GIPR: variants seen among roughly 807,000 people sequenced by gnomAD.
GIPR encodes the protein GIP-R.
GIPR carries 74 observed loss-of-function variants against 62.2 expected under a neutral mutation model. The observed-to-expected ratio is 1.19, with a 90% CI of 0.99 to 1.44. The LOEUF (loss-of-function observed/expected upper bound fraction) is 1.44, where lower values mean the gene tolerates loss of function less well. Among genes scored for constraint, GIPR ranks in the 40% most tolerant of loss-of-function variants. The pLI is 0.00. For synonymous variants in GIPR, 256 were observed against 262.2 expected, an observed-to-expected ratio of 0.98 and a Z score of 0.23; for missense variants, 664 against 611.8, an observed-to-expected ratio of 1.09 and a Z score of -0.90.
In GIPR at chr19:45,669,599, A is replaced by C. The variant is rs377661353; in HGVS notation, c.72+7A>C. On this transcript the variant is annotated splice_region_variant and intron_variant, in intron 2 of 13. Transcript: ENST00000590918. ...GCTGCTCCAGAGGGCGGAGGTGAGG[A>C]AGCGAGGAGCCAGAGGAGCTCCAGG... The C allele has an allele frequency of 6.3e-7, 1 of 1,575,262 alleles. No homozygotes were observed. Among genetic ancestry groups the C allele is most frequent in the Non-Finnish European group, 8.6e-7 (1 of 1,164,262 alleles).
rs1182524759 is a variant in GIPR, at chr19:45,682,243, G to A, written c.*308G>A. 1.0e-5 allele frequency: 4 copies of A among 389,164 alleles called. No individual in the cohort carries two copies. Among genetic ancestry groups the A allele is most frequent in the Non-Finnish European group, 1.9e-5 (4 of 215,838 alleles). The allele number at this position is 389,164 out of a possible 1,614,324, so 24.1% of individuals were successfully genotyped here. A position where few individuals can be genotyped will look rare whatever the true frequency, so the allele number is the denominator to read the frequency against. On this transcript the variant is annotated 3_prime_UTR_variant, in exon 14 of 14. Coordinates refer to ENST00000590918, the MANE Select transcript of GIPR (RefSeq NM_000164.4). ...AAAGAGATCACTTTGGGGAGAGCTG[G>A]AGAACAGGATTCTAGGCGGAAGCGA...
chr19:45,668,729 C>A (rs1026446610), intron 1 of GIPR, among the ~76,000 whole-genome samples: 10 of 152,218 alleles, frequency 6.6e-5, no homozygotes, highest in Admixed American at 6.5e-4. Context: ...CTACGTGGAG[C>A]CGCGGGGGCG....
rs1238666731 is a variant in GIPR, at chr19:45,677,945, C to T, written c.964C>T (p.Leu322=). The change falls in exon 11 of 14, where the codon CTG becomes TTG. Residue 322 remains leucine (L), a synonymous_variant. Coordinates refer to ENST00000590918, the MANE Select transcript of GIPR (RefSeq NM_000164.4). ...LIFIRILGIL[L]SKLRTRQMRC... is the part of the protein sequence containing the mutation. Reference sequence around the variant, plus strand: ...TTTTATCCGCATTCTTGGCATTCTCCTGTCCAAGCTGAGGACACGGCAAAT... The same window carrying T: ...TTTTATCCGCATTCTTGGCATTCTCTTGTCCAAGCTGAGGACACGGCAAAT... 1 of 1,614,070 alleles carries T rather than the reference C, an allele frequency of 6.2e-7. No individual in the cohort carries two copies. The highest frequency in any genetic ancestry group is 1.3e-5 in the African/African-American group (1 of 75,062).
chr19:45,677,169 C>A, intron 8 of GIPR, 61 bp downstream of exon 8: 3 of 1,562,272 alleles, frequency 1.9e-6, no homozygotes, highest in African/African-American at 1.3e-5. Context: ...CCCCCAACTG[C>A]CCTGCTGGTT....
intron 7 of GIPR, among the ~76,000 whole-genome samples, chr19:45,676,130 G>C (rs1975840564): frequency 6.6e-6 from 1 of 151,552 alleles, no homozygotes; most frequent in Admixed American, 6.6e-5. Flanking sequence ...TTGAACCTGG[G>C]AGGCAGAGAT....
Position 45,673,863 on chromosome 19 carries a change from CA to C in GIPR, c.385-198del, listed in dbSNP as rs35790297. Among the ~76,000 whole-genome samples, 1,041 of 144,360 alleles carry C rather than the reference CA, an allele frequency of 7.2e-3. 10 individuals carry two copies. The highest frequency in any genetic ancestry group is 0.022 in the African/African-American group (872 of 39,460). 94.7% of individuals were successfully genotyped at this position (144,360 alleles called of 152,430 possible). ...TGGGCAACAAAGCAAGACCATGTCTCAAAAAAAAAAAAATCTCTGGTTGGCT... is the reference window on the plus strand; with the variant it reads ...TGGGCAACAAAGCAAGACCATGTCTCAAAAAAAAAAAATCTCTGGTTGGCT... On this transcript the variant is annotated intron_variant, in intron 5 of 13. Transcript: ENST00000590918.
intron 4 of GIPR, among the ~76,000 whole-genome samples, chr19:45,672,426 C>G (rs1975591779): frequency 6.6e-6 from 1 of 152,034 alleles, no homozygotes. Flanking sequence ...CCTGCCTCAG[C>G]CTCCTGAGTA....
chr19:45,672,839 C>T lies in GIPR; in HGVS notation c.281-12C>T. 1 of 1,558,754 alleles carries T rather than the reference C, an allele frequency of 6.4e-7. No individual in the cohort carries two copies. Among genetic ancestry groups the T allele is most frequent in the Non-Finnish European group, 8.9e-7 (1 of 1,129,468 alleles). On this transcript the variant is annotated splice_polypyrimidine_tract_variant and intron_variant, in intron 4 of 13. Transcript: ENST00000590918. ...TCTGTGTGCCTTAATTCCCTCTCTT[C>T]TTTCCCCACAGTGGCTGCAGGTTTC...
At chr19:45,674,548 A>C in intron 6 of GIPR, 134 bp from the exon 7 acceptor site, 1 of 789,632 alleles carries the variant, frequency 1.3e-6, no homozygotes. Context: ...TTGAGGCTGC[A>C]GTGAGCCCTG....
chr19:45,677,248 T>C, intron 8 of GIPR, 75 bp from the exon 9 acceptor site: 1 of 1,384,288 alleles, frequency 7.2e-7, no homozygotes, highest in South Asian at 1.2e-5. Context: ...ATTCCGCGGG[T>C]CTTGGGCCTG....
At chr19:45,677,577 G>A (rs956746183) in intron 9 of GIPR, 133 bp from the exon 10 acceptor site, 9 of 877,390 alleles carry the variant, frequency 1.0e-5, no homozygotes, top group Non-Finnish European at 1.2e-5. Context: ...GTGGGGCCTG[G>A]ATCGTAATGG....
rs771165150 is a variant in GIPR, at chr19:45,674,819, G to T, written c.626G>T (p.Trp209Leu). 4.3e-6 allele frequency: 7 copies of T among 1,613,772 alleles called. No homozygotes were observed. In the Admixed American group the frequency reaches 5.0e-5, roughly 12 times the overall value. The change falls in exon 7 of 14, where the codon TGG (tryptophan) becomes TTG (leucine). Residue 209 changes from tryptophan to leucine, a missense_variant. By Grantham distance (61) the Trp-to-Leu change is moderately conservative. Coordinates refer to ENST00000590918, the MANE Select transcript of GIPR (RefSeq NM_000164.4). ...CTTGGGGACCAGGCCCTTGCGCTGT[G>T]GAACCAGGTGGGCATCCTCCTTCCG... is the stretch of plus-strand genomic sequence containing the variant. ...PYLGDQALAL[W>L]NQALAACRTA...
chr19:45,677,573 C>A lies in GIPR; in HGVS notation c.855-137C>A, dbSNP rs1428243838. ...CAATCGGCAAGGGGAGGGGGTGGGG[C>A]CTGGATCGTAATGGGCGGGACCTTA... is the stretch of plus-strand genomic sequence containing the variant. On this transcript the variant is annotated intron_variant, in intron 9 of 13. Coordinates refer to ENST00000590918, the MANE Select transcript of GIPR (RefSeq NM_000164.4). 2.2e-5 allele frequency: 19 copies of A among 866,340 alleles called. No homozygotes were observed. The East Asian group carries it at 4.6e-4, about 21-fold the overall frequency. 53.7% of individuals were successfully genotyped at this position (866,340 alleles called of 1,614,324 possible). A position where few individuals can be genotyped will look rare whatever the true frequency, so the allele number is the denominator to read the frequency against.
chr19:45,670,558 G>C lies in GIPR; in HGVS notation c.73-77G>C, dbSNP rs1975479090. On this transcript the variant is annotated intron_variant, in intron 2 of 13. Transcript: ENST00000590918. ...CAGACCCTCAAAGTCTCTCTGGGGC[G>C]CTTCTGGGCCACATGGACCTAGCAG... 3 of 944,166 alleles carry C rather than the reference G, an allele frequency of 3.2e-6. No individual in the cohort carries two copies. The Admixed American group carries it at 6.1e-5, about 19-fold the overall frequency. The allele number at this position is 944,166 out of a possible 1,614,324, so 58.5% of individuals were successfully genotyped here.
intron 12 of GIPR, among the ~76,000 whole-genome samples, chr19:45,681,042 C>T (rs983694389): frequency 6.6e-6 from 1 of 152,086 alleles, no homozygotes; most frequent in Non-Finnish European, 1.5e-5. Flanking sequence ...CAGTTCTTAA[C>T]CCCCAGCCAG....
chr19:45,678,785 C>T (rs1454094081), intron 12 of GIPR, among the ~76,000 whole-genome samples: 1 of 152,234 alleles, frequency 6.6e-6, no homozygotes. Context: ...GTGAGGGCTT[C>T]GAAGCTGGAC....
intron 1 of GIPR, 133 bp from the exon 2 acceptor site, chr19:45,669,344 G>A (rs1474159840): frequency 2.4e-6 from 2 of 823,818 alleles, no homozygotes; most frequent in African/African-American, 1.7e-5. Flanking sequence ...GCGGGAGCGG[G>A]TGCGCTGCCT....
Position 45,669,608 on chromosome 19 carries a change from G to C in GIPR, c.72+16G>C, listed in dbSNP as rs770450183. On this transcript the variant is annotated intron_variant, in intron 2 of 13. Transcript: ENST00000590918. The stretch of plus-strand genomic sequence containing the variant: ...GAGGGCGGAGGTGAGGAAGCGAGGA[G>C]CCAGAGGAGCTCCAGGCTTGGAGGG... 2.3e-4 allele frequency: 364 copies of C among 1,569,340 alleles called. No individual in the cohort carries two copies. The highest frequency in any genetic ancestry group is 3.1e-4 in the Non-Finnish European group (356 of 1,161,464).
intron 9 of GIPR, 50 bp from the exon 10 acceptor site, chr19:45,677,660 C>T: frequency 7.1e-7 from 1 of 1,413,264 alleles, no homozygotes; most frequent in South Asian, 1.1e-5. Flanking sequence ...GCTTGGTGAT[C>T]GGTGAGTCTA....
Sources: gnomAD v4.1 joint callset for allele counts (sites outside exome capture counted in the v4.1 genomes callset) on GRCh38, gnomAD v4.1.1 for gene constraint, MANE v1.5 for transcripts, NCBI Gene and HGNC (gene_info 2026-07-23, HGNC 2026-07-21) for gene names.